The following SPRED2 variants were observed in gnomAD, a reference collection of about 807,000 sequenced individuals.
The protein encoded by SPRED2 is sprouty related EVH1 domain containing 2.
SPRED2 carries 47 observed loss-of-function variants against 43.0 expected under a neutral mutation model. The ratio of observed to expected loss-of-function variants is 1.09; its 90% CI spans 0.87 to 1.40. The LOEUF (loss-of-function observed/expected upper bound fraction) is 1.40. SPRED2 is among the 40% of genes most tolerant of loss of function. SPRED2 has a pLI of 0.00. For synonymous variants in SPRED2, 225 were observed against 225.7 expected, an observed-to-expected ratio of 1.00 and a Z score of 0.03; for missense variants, 561 against 586.4, an observed-to-expected ratio of 0.96 and a Z score of 0.45.
rs187052251 is a variant in SPRED2, at chr2:65,376,807, C to T, written c.27-31911G>A. On this transcript the variant is annotated intron_variant, in intron 1 of 5. Coordinates refer to ENST00000356388, the MANE Select transcript of SPRED2 (RefSeq NM_181784.3). ...TCGGCTCACTGCAAGCTCTGCCTCC[C>T]GGGTTTACGCCATTCTCCTGCCTCA... is the stretch of plus-strand genomic sequence containing the variant. Among the ~76,000 whole-genome samples the T allele has an allele frequency of 4.5e-4, 68 of 152,178 alleles. No individual in the cohort carries two copies. The East Asian group carries it at 6.8e-3, about 15-fold the overall frequency.
chr2:65,346,441 AC>A (rs1271393189), intron 1 of SPRED2, among the ~76,000 whole-genome samples: 2 of 151,414 alleles, frequency 1.3e-5, no homozygotes, highest in African/African-American at 2.4e-5. Flanking sequence ...GGCAACCATC[AC>A]CCCTTTCTAC....
chr2:65,432,294 G>GA lies in SPRED2; in HGVS notation c.-308dup. The GA allele has an allele frequency of 2.7e-6, 1 of 370,478 alleles. No homozygotes were observed. Among genetic ancestry groups the GA allele is most frequent in the South Asian group, 3.3e-5 (1 of 30,572 alleles). 22.9% of individuals were successfully genotyped at this position (370,478 alleles called of 1,614,324 possible). A position where few individuals can be genotyped will look rare whatever the true frequency, so the allele number is the denominator to read the frequency against. On this transcript the variant is annotated 5_prime_UTR_variant, in exon 1 of 6. Coordinates refer to ENST00000356388, the MANE Select transcript of SPRED2 (RefSeq NM_181784.3). ...ATTTGGGAAGGGGACGGCGGTGGGG[G>GA]AGAGCAGGAGAAAAACAAGCGCGCC...
chr2:65,323,047 T>C (rs938973628), intron 4 of SPRED2, among the ~76,000 whole-genome samples: 2 of 152,192 alleles, frequency 1.3e-5, no homozygotes, highest in Admixed American at 1.3e-4. Flanking sequence ...CAGGCTGGAG[T>C]GCAGTGGCAC....
chr2:65,430,749 C>G (rs1449809880), intron 1 of SPRED2, among the ~76,000 whole-genome samples: 1 of 152,186 alleles, frequency 6.6e-6, no homozygotes, highest in African/African-American at 2.4e-5. Flanking sequence ...CGCGCCGCCG[C>G]TACCTTGGCT....
At chr2:65,381,189 G>A (rs1479524717) in intron 1 of SPRED2, among the ~76,000 whole-genome samples, 1 of 152,186 alleles carries the variant, frequency 6.6e-6, no homozygotes, top group Non-Finnish European at 1.5e-5. Flanking sequence ...GAGGCGCTCA[G>A]TGCTCCTCAA....
At chr2:65,339,201 A>C (rs182694703) in intron 2 of SPRED2, among the ~76,000 whole-genome samples, 1 of 139,744 alleles carries the variant, frequency 7.2e-6, no homozygotes, top group South Asian at 2.5e-4. Flanking sequence ...CCCTCTGCCC[A>C]GCCACCACCC....
At chr2:65,393,800 G>T (rs1029560332) in intron 1 of SPRED2, among the ~76,000 whole-genome samples, 3 of 152,222 alleles carry the variant, frequency 2.0e-5, no homozygotes, top group Admixed American at 1.3e-4. Flanking sequence ...TTTCTTTGGA[G>T]AATTCATTTA....
At chr2:65,366,504 A>T in intron 1 of SPRED2, 1 of 1,403,174 alleles carries the variant, frequency 7.1e-7, no homozygotes, top group Non-Finnish European at 9.8e-7. Flanking sequence ...TTTCTCCTTT[A>T]AAAAAATGCT....
chr2:65,366,455 AAC>A, intron 1 of SPRED2: 1 of 865,244 alleles, frequency 1.2e-6, no homozygotes, highest in South Asian at 1.8e-5. Context: ...CACAAATACA[AAC>A]ACATACACAC....
chr2:65,376,936 G>C (rs984386732), intron 1 of SPRED2, among the ~76,000 whole-genome samples: 4 of 152,020 alleles, frequency 2.6e-5, no homozygotes, highest in African/African-American at 9.7e-5. Flanking sequence ...GGATGGTCTC[G>C]ATCTCCTGAC....
At position 65,313,953 on chromosome 2, in the gene SPRED2, C is replaced by A. The variant is rs146072471; in HGVS notation, c.805G>T (p.Val269Leu). Residue 269 changes from valine (V) to leucine (L), a missense_variant, in exon 6 of 6, where the codon GTG (valine) becomes TTG (leucine). By Grantham distance (32) the Val-to-Leu change is conservative. This residue lies in a region of SPRED2 where 164 missense variants were observed against 164.1 expected (regional missense o/e 1.00). Coordinates refer to ENST00000356388, the MANE Select transcript of SPRED2 (RefSeq NM_181784.3). ...VPKHDYNYPYVDSSDFGLGED... is the reference protein window; with the variant it reads ...VPKHDYNYPYLDSSDFGLGED... Reference sequence around the variant, plus strand: ...CCTAGGCCAAAGTCTGAGGAGTCCACGTAGGGGTAGTTGTAGTCATGCTTG... The same window carrying A: ...CCTAGGCCAAAGTCTGAGGAGTCCAAGTAGGGGTAGTTGTAGTCATGCTTG... The A allele has an allele frequency of 1.9e-3, 3,004 of 1,612,116 alleles. 8 individuals carry two copies. Among genetic ancestry groups the A allele is most frequent in the Non-Finnish European group, 2.2e-3 (2,575 of 1,180,002 alleles).
intron 1 of SPRED2, among the ~76,000 whole-genome samples, chr2:65,430,472 T>C (rs1676650593): frequency 1.3e-5 from 2 of 151,954 alleles, no homozygotes; most frequent in African/African-American, 4.8e-5. Flanking sequence ...CGCCAAAGGA[T>C]AAAGGGGGTA....
intron 5 of SPRED2, 89 bp downstream of exon 5, chr2:65,316,645 G>A (rs939641278): frequency 2.0e-5 from 29 of 1,479,212 alleles, no homozygotes; most frequent in Non-Finnish European, 2.5e-5. Flanking sequence ...CTGTGGTCAT[G>A]GAATTTGGCT....
chr2:65,410,200 G>T (rs1480635586), intron 1 of SPRED2, among the ~76,000 whole-genome samples: 2 of 152,032 alleles, frequency 1.3e-5, no homozygotes, highest in Non-Finnish European at 2.9e-5. Context: ...TCATGCCACT[G>T]CACTGCAGCC....
At chr2:65,351,869 T>C (rs1167325039) in intron 1 of SPRED2, among the ~76,000 whole-genome samples, 1 of 152,182 alleles carries the variant, frequency 6.6e-6, no homozygotes, top group Admixed American at 6.5e-5. Context: ...TATCAACTAC[T>C]CAAGAATTTT....
At chr2:65,320,704 G>C (rs17030184) in intron 4 of SPRED2, among the ~76,000 whole-genome samples, 2,140 of 152,264 alleles carry the variant, frequency 0.014, 48 homozygotes, top group African/African-American at 0.049. Flanking sequence ...GGAAGCCAAG[G>C]CTATTTCAGA....
At chr2:65,400,176 A>G (rs1419420711) in intron 1 of SPRED2, among the ~76,000 whole-genome samples, 1 of 152,084 alleles carries the variant, frequency 6.6e-6, no homozygotes, top group Non-Finnish European at 1.5e-5. Context: ...CTCCCCCTCA[A>G]TCCTTCTTAA....
intron 1 of SPRED2, among the ~76,000 whole-genome samples, chr2:65,405,329 T>C (rs910154886): frequency 1.3e-5 from 2 of 152,068 alleles, no homozygotes; most frequent in African/African-American, 4.8e-5. Flanking sequence ...ATCCAGGGAG[T>C]TACTGAAATG....
intron 1 of SPRED2, among the ~76,000 whole-genome samples, chr2:65,427,429 T>C (rs541246341): frequency 6.6e-6 from 1 of 152,282 alleles, no homozygotes; most frequent in South Asian, 2.1e-4. Flanking sequence ...TACTCATGTA[T>C]AGTAGAACCA....
Sources: allele counts gnomAD v4.1 joint callset (sites outside exome capture counted in the v4.1 genomes callset), GRCh38; gene constraint gnomAD v4.1.1; regional missense constraint gnomAD v4.1.1; transcripts MANE v1.5; gene names NCBI Gene and HGNC (gene_info 2026-07-23, HGNC 2026-07-21).